Variants in ROBO2 observed in about 807,000 individuals in gnomAD.
The protein encoded by ROBO2 is roundabout guidance receptor 2, also known as roundabout homolog 2.
In ROBO2, 53 loss-of-function variants were observed where a neutral mutation model predicts 160.8. The observed-to-expected ratio is 0.33, with a 90% confidence interval of 0.26 to 0.41. ROBO2 has a LOEUF of 0.41. ROBO2 is among the 10% of genes least tolerant of loss of function. The pLI, the probability that ROBO2 is intolerant of heterozygous loss-of-function variation, is 1.00. For synonymous variants in ROBO2, 664 were observed against 611.7 expected (o/e 1.09, Z -1.26); for missense variants, 1,577 against 1,722.4 (o/e 0.92, Z 1.49).
At chr3:76,734,068 C>T (rs2093674306) in intron 2 of ROBO2, among the ~76,000 whole-genome samples, 1 of 152,142 alleles carries the variant, frequency 6.6e-6, no homozygotes, top group African/African-American at 2.4e-5. Context: ...GCCTCATCCT[C>T]ATAAGCTAAC....
At chr3:76,491,247 C>T (rs956813834) in intron 2 of ROBO2, among the ~76,000 whole-genome samples, 3 of 152,034 alleles carry the variant, frequency 2.0e-5, no homozygotes, top group African/African-American at 7.2e-5. Context: ...GGGCGCCCGA[C>T]CTAAGATTAA....
chr3:77,643,866 GT>G (rs2095382387), intron 24 of ROBO2, among the ~76,000 whole-genome samples: 2 of 152,012 alleles, frequency 1.3e-5, no homozygotes, highest in Admixed American at 6.6e-5. Context: ...ATTTAGAAAG[GT>G]TACACCATTC....
intron 2 of ROBO2, among the ~76,000 whole-genome samples, chr3:76,676,631 G>C (rs771947843): frequency 7.2e-5 from 11 of 151,940 alleles, no homozygotes; most frequent in Non-Finnish European, 1.6e-4. Context: ...TCAGATTTCA[G>C]CCTTCTCTTC....
chr3:76,333,601 A>G (rs1167228542), intron 2 of ROBO2, among the ~76,000 whole-genome samples: 3 of 152,200 alleles, frequency 2.0e-5, no homozygotes, highest in Admixed American at 2.0e-4. Flanking sequence ...AAAAGCATTC[A>G]ACCAGAATGG....
chr3:76,621,695 T>C (rs1285890098), intron 2 of ROBO2, among the ~76,000 whole-genome samples: 1 of 152,210 alleles, frequency 6.6e-6, no homozygotes, highest in East Asian at 1.9e-4. Flanking sequence ...ACTTAGAAAA[T>C]AGTTCCTGAA....
intron 2 of ROBO2, among the ~76,000 whole-genome samples, chr3:76,030,022 C>T (rs2066866670): frequency 6.6e-6 from 1 of 152,166 alleles, no homozygotes; most frequent in African/African-American, 2.4e-5. Flanking sequence ...TCCTCTCCAG[C>T]ACCTGTTGTT....
intron 2 of ROBO2, among the ~76,000 whole-genome samples, chr3:76,853,719 A>G (rs2069675362): frequency 6.6e-6 from 1 of 152,164 alleles, no homozygotes; most frequent in South Asian, 2.1e-4. Flanking sequence ...AACTGTGTCT[A>G]GTGCATCAAC....
chr3:76,790,491 G>T (rs1242845559), intron 2 of ROBO2, among the ~76,000 whole-genome samples: 1 of 151,646 alleles, frequency 6.6e-6, no homozygotes, highest in Non-Finnish European at 1.5e-5. Context: ...CAAACTCATT[G>T]TTAAGTTGAA....
chr3:76,006,008 G>A (rs2066011259), intron 2 of ROBO2, among the ~76,000 whole-genome samples: 1 of 152,054 alleles, frequency 6.6e-6, no homozygotes, highest in African/African-American at 2.4e-5. Flanking sequence ...ATACATATGT[G>A]ACCAGTTATG....
chr3:76,058,294 CT>C (rs1390211035), intron 2 of ROBO2, among the ~76,000 whole-genome samples: 1 of 152,184 alleles, frequency 6.6e-6, no homozygotes, highest in East Asian at 1.9e-4. Flanking sequence ...TGATGTTCCC[CT>C]CCCTGTGTCC....
chr3:76,954,277 G>A (rs556680499), intron 2 of ROBO2, among the ~76,000 whole-genome samples: 2 of 149,770 alleles, frequency 1.3e-5, no homozygotes, highest in African/African-American at 4.8e-5. Flanking sequence ...TTACCCACTA[G>A]TTTGTTTTGA....
At chr3:76,982,713 CTA>C (rs144603691) in intron 2 of ROBO2, among the ~76,000 whole-genome samples, 29,194 of 151,972 alleles carry the variant, frequency 0.19, 3,480 homozygotes, top group Admixed American at 0.28. Flanking sequence ...TATTTTGTGA[CTA>C]TGTGAAATAT....
chr3:76,978,228 C>T (rs186365355), intron 2 of ROBO2, among the ~76,000 whole-genome samples: 203 of 152,274 alleles, frequency 1.3e-3, no homozygotes, highest in Non-Finnish European at 1.0e-3. Context: ...CTCTGATTTA[C>T]ACTTCTATTT....
chr3:77,047,743 G>A (rs2064824297), intron 1 of ROBO2, among the ~76,000 whole-genome samples: 1 of 138,768 alleles, frequency 7.2e-6, no homozygotes, highest in African/African-American at 2.7e-5. Flanking sequence ...AAATAAAGAT[G>A]TATATAAAGA....
At chr3:77,216,344 C>A (rs996379484) in intron 2 of ROBO2, among the ~76,000 whole-genome samples, 10 of 152,162 alleles carry the variant, frequency 6.6e-5, no homozygotes, top group African/African-American at 2.4e-4. Flanking sequence ...TAGCAATGAG[C>A]AAGACTCCGT....
intron 2 of ROBO2, among the ~76,000 whole-genome samples, chr3:77,366,172 T>C (rs1581380085): frequency 6.6e-6 from 1 of 152,116 alleles, no homozygotes; most frequent in Admixed American, 6.6e-5. Context: ...TAGAAAGAAA[T>C]AGTTTGAAAA....
chr3:76,295,676 GT>G (rs555461013), intron 2 of ROBO2, among the ~76,000 whole-genome samples: 2,051 of 152,198 alleles, frequency 0.013, 23 homozygotes, highest in Non-Finnish European at 0.021. Flanking sequence ...GGGGGATGCA[GT>G]TTAAAAGCCT....
At chr3:76,425,255 T>G (rs987267945) in intron 2 of ROBO2, among the ~76,000 whole-genome samples, 15 of 152,096 alleles carry the variant, frequency 9.9e-5, no homozygotes, top group African/African-American at 3.4e-4. Flanking sequence ...CTTCTGACTT[T>G]CCCAAATTAG....
intron 2 of ROBO2, among the ~76,000 whole-genome samples, chr3:76,392,109 G>T (rs1171233628): frequency 2.0e-5 from 3 of 152,040 alleles, no homozygotes; most frequent in African/African-American, 7.2e-5. Flanking sequence ...TACTTAATAA[G>T]ATTTTCTTTT....
Sources: allele counts gnomAD v4.1 joint callset (sites outside exome capture counted in the v4.1 genomes callset), GRCh38; gene constraint gnomAD v4.1.1; transcripts MANE v1.5; gene names NCBI Gene and HGNC (gene_info 2026-07-23, HGNC 2026-07-21).